Variants in ACOT7 observed in about 807,000 individuals in gnomAD.
ACOT7 encodes acyl-CoA thioesterase 7.
Under a neutral mutation model 40.2 loss-of-function variants are expected in ACOT7, and 12 were observed. The observed-to-expected ratio is 0.30, with a 90% CI of 0.19 to 0.48. The LOEUF is 0.48. Ranked by LOEUF, ACOT7 falls within the 20% of genes least tolerant of loss-of-function variation. The pLI is 0.99. For synonymous variants in ACOT7, 228 were observed against 219.5 expected, an observed-to-expected ratio of 1.04 and a Z score of -0.34; for missense variants, 395 against 530.8, an observed-to-expected ratio of 0.74 and a Z score of 2.51.
rs749867789 is a variant in ACOT7 at position 6,282,074 on chromosome 1, C to G, written c.830-788G>C. ...CCATGTCCCTCTCTCCCCCTCAACC[C>G]TAACCAACCTCTCTGTACGCCCCAC... is the stretch of plus-strand genomic sequence containing the variant. On this transcript the variant is annotated intron_variant, in intron 7 of 8. Transcript: ENST00000361521. This position sits in a 1 kb window ranked among gnomAD's most constrained non-coding sequence, Gnocchi z 4.5. Among the ~76,000 whole-genome samples, 2 of 152,090 alleles carry G rather than the reference C, an allele frequency of 1.3e-5. No homozygotes were observed. Among genetic ancestry groups the G allele is most frequent in the Non-Finnish European group, 2.9e-5 (2 of 68,018 alleles).
At chr1:6,328,542 G>A (rs1220893362) in intron 4 of ACOT7, among the ~76,000 whole-genome samples, 1 of 152,002 alleles carries the variant, frequency 6.6e-6, no homozygotes, top group Non-Finnish European at 1.5e-5. Context: ...ATTAGCCAGG[G>A]GTGGTGGTGG....
chr1:6,285,780 C>T (rs1420100054), intron 7 of ACOT7, among the ~76,000 whole-genome samples: 3 of 151,822 alleles, frequency 2.0e-5, no homozygotes, highest in Admixed American at 6.6e-5. Context: ...GCTTCAGGGT[C>T]TCCCAGCAAT....
chr1:6,290,268 G>A (rs1273900591), intron 7 of ACOT7, among the ~76,000 whole-genome samples: 1 of 152,220 alleles, frequency 6.6e-6, no homozygotes, highest in Non-Finnish European at 1.5e-5. Flanking sequence ...GAGAGTGAGT[G>A]CAGGCTATTT....
rs529669991 is a variant in ACOT7, at chr1:6,270,428, G to A, written c.1015-5733C>T. On this transcript the variant is annotated intron_variant, in intron 8 of 8. Coordinates refer to ENST00000361521, the MANE Select transcript of ACOT7 (RefSeq NM_007274.4). ...GCACTGGCCAGTGGTGCCAGCTGCC[G>A]GGCACCCACCTGTGGCCTCAGGCAG... 7.7e-4 allele frequency among the ~76,000 whole-genome samples: 118 copies of A among 152,292 alleles called. 2 individuals carry two copies. The South Asian group carries it at 0.019, about 25-fold the overall frequency.
chr1:6,392,478 T>A (rs1320564041), intron 1 of ACOT7, among the ~76,000 whole-genome samples: 2 of 152,088 alleles, frequency 1.3e-5, no homozygotes. Flanking sequence ...GAAATGAGCT[T>A]GTTCATGATC....
At chr1:6,376,160 C>T (rs574134956) in intron 1 of ACOT7, among the ~76,000 whole-genome samples, 1 of 152,126 alleles carries the variant, frequency 6.6e-6, no homozygotes, top group South Asian at 2.1e-4. Flanking sequence ...GAGGCTGAGG[C>T]AGGAGAATCA....
chr1:6,393,120 C>A (rs1305760066), intron 1 of ACOT7, 137 bp downstream of exon 1: 1 of 1,004,116 alleles, frequency 1.0e-6, no homozygotes, highest in African/African-American at 1.7e-5. Context: ...TCCGGGGCGG[C>A]GGCGCGGAAG....
intron 3 of ACOT7, among the ~76,000 whole-genome samples, chr1:6,337,778 C>A (rs1641145101): frequency 6.6e-6 from 1 of 152,046 alleles, no homozygotes; most frequent in South Asian, 2.1e-4. Context: ...AGTTTCAGAC[C>A]ACCCTGGCCA....
Position 6,299,379 on chromosome 1 carries a change from A to T in ACOT7, c.713-4399T>A, listed in dbSNP as rs1390189182. Among the ~76,000 whole-genome samples the T allele has an allele frequency of 6.6e-6, 1 of 152,226 alleles. No homozygotes were observed. The highest frequency in any genetic ancestry group is 1.5e-5 in the Non-Finnish European group (1 of 68,036). On this transcript the variant is annotated intron_variant, in intron 6 of 8. Transcript: ENST00000361521. The surrounding 1 kb of genome is among the most constrained non-coding windows in gnomAD (Gnocchi z 4.1). The stretch of plus-strand genomic sequence containing the variant: ...GAACAGAAAAGGAAAGAAAAATGAA[A>T]TAACTCAGAACACCAGGTAACATGC...
chr1:6,350,391 G>A (rs991408457), intron 1 of ACOT7, among the ~76,000 whole-genome samples: 8 of 152,244 alleles, frequency 5.3e-5, no homozygotes, highest in African/African-American at 1.2e-4. Context: ...CCCACTGCGC[G>A]CTAAGCTCCT....
intron 7 of ACOT7, among the ~76,000 whole-genome samples, chr1:6,290,716 G>A (rs920836124): frequency 3.5e-4 from 53 of 152,164 alleles, no homozygotes; most frequent in South Asian, 8.3e-4. Flanking sequence ...CGTCACATCC[G>A]TTCTCACTTC....
At chr1:6,303,640 C>A (rs1469068546) in intron 6 of ACOT7, among the ~76,000 whole-genome samples, 1 of 152,134 alleles carries the variant, frequency 6.6e-6, no homozygotes, top group African/African-American at 2.4e-5. Flanking sequence ...AGCGTGGGCG[C>A]CGGCCTCCTA....
chr1:6,356,207 G>A (rs1641739329), intron 1 of ACOT7, among the ~76,000 whole-genome samples: 1 of 152,140 alleles, frequency 6.6e-6, no homozygotes, highest in South Asian at 2.1e-4. Flanking sequence ...AGGCAGAGAC[G>A]GGAGCAGCCT....
intron 6 of ACOT7, among the ~76,000 whole-genome samples, chr1:6,305,757 C>T (rs1640130392): frequency 1.3e-5 from 2 of 149,990 alleles, no homozygotes; most frequent in Non-Finnish European, 3.0e-5. Context: ...GGCGGCCAGG[C>T]AGAGACGCTC....
rs1641722377 is a variant in ACOT7, at chr1:6,355,640, G to A, written c.144-5774C>T. On this transcript the variant is annotated intron_variant, in intron 1 of 8. Coordinates refer to ENST00000361521, the MANE Select transcript of ACOT7 (RefSeq NM_007274.4). This position sits in a 1 kb window ranked among gnomAD's most constrained non-coding sequence, Gnocchi z 5.0. ...GGGCAGGGACCTCGGTGAGATGCCT[G>A]TGTCTTTTGGATGCCTTTAAACCAT... is the stretch of plus-strand genomic sequence containing the variant. Among the ~76,000 whole-genome samples, 3 of 152,214 alleles carry A rather than the reference G, an allele frequency of 2.0e-5. No homozygotes were observed. The highest frequency in any genetic ancestry group is 2.4e-5 in the African/African-American group (1 of 41,454).
Position 6,299,226 on chromosome 1 carries a change from A to G in ACOT7, c.713-4246T>C, listed in dbSNP as rs1639897331. On this transcript the variant is annotated intron_variant, in intron 6 of 8. Transcript: ENST00000361521. This position sits in a 1 kb window ranked among gnomAD's most constrained non-coding sequence, Gnocchi z 4.1. Reference sequence around the variant, plus strand: ...CACAGGCAAGGTGACTGAGGAGCAAATGGGATGACCATGTGGCTGCCAGCA... The same window carrying G: ...CACAGGCAAGGTGACTGAGGAGCAAGTGGGATGACCATGTGGCTGCCAGCA... Among the ~76,000 whole-genome samples the G allele has an allele frequency of 6.6e-6, 1 of 152,212 alleles. No homozygotes were observed. Among genetic ancestry groups the G allele is most frequent in the Admixed American group, 6.5e-5 (1 of 15,284 alleles).
In ACOT7 at chr1:6,333,390, C is replaced by A. The variant is rs1442090386; in HGVS notation, c.510+87G>T. The A allele has an allele frequency of 2.7e-6, 4 of 1,480,564 alleles. No homozygotes were observed. The South Asian group carries it at 4.7e-5, about 17-fold the overall frequency. 91.7% of individuals were successfully genotyped at this position (1,480,564 alleles called of 1,614,324 possible). Reference sequence around the variant, plus strand: ...TCTGGCCTGTTGCTCCCTTGAGACCCTTAGCTGAACGAGCCTCCCAACATC... The same window carrying A: ...TCTGGCCTGTTGCTCCCTTGAGACCATTAGCTGAACGAGCCTCCCAACATC... On this transcript the variant is annotated intron_variant, in intron 4 of 8. Transcript: ENST00000361521.
At chr1:6,298,119 G>C (rs765202308) in intron 6 of ACOT7, among the ~76,000 whole-genome samples, 16 of 152,116 alleles carry the variant, frequency 1.1e-4, no homozygotes, top group Non-Finnish European at 2.2e-4. Context: ...CCTGTGCTGG[G>C]GGCATCAGCA....
Position 6,281,182 on chromosome 1 carries a change from G to C in ACOT7, c.934C>G (p.Arg312Gly). The stretch of plus-strand genomic sequence containing the variant: ...AAGAAGGCACTGGCGGCCCGGTAGC[G>C]CTTCTGAGAGCTGTCCACAACAGGG... ...ADPVVDSSQKRYRAASAFFTY... is the reference protein window; with the variant it reads ...ADPVVDSSQKGYRAASAFFTY... Residue 312 changes from arginine to glycine, a missense_variant, in exon 8 of 9, where the codon CGC becomes GGC. This residue lies in a region of ACOT7 where 309 missense variants were observed against 470.3 expected (regional missense o/e 0.66). Coordinates refer to ENST00000361521, the MANE Select transcript of ACOT7 (RefSeq NM_007274.4). 6.2e-7 allele frequency: 1 copy of C among 1,614,112 alleles called. No homozygotes were observed. The highest frequency in any genetic ancestry group is 1.1e-5 in the South Asian group (1 of 91,080).
Sources: allele counts gnomAD v4.1 joint callset (sites outside exome capture counted in the v4.1 genomes callset), GRCh38; gene constraint gnomAD v4.1.1; regional missense constraint gnomAD v4.1.1; non-coding constraint Gnocchi (gnomAD v3.1); transcripts MANE v1.5; gene names NCBI Gene and HGNC (gene_info 2026-07-23, HGNC 2026-07-21).